CD55: variants seen among roughly 807,000 people sequenced by gnomAD.
CD55 encodes CD55 molecule (Cromer blood group).
A neutral mutation model predicts 45.8 loss-of-function variants in CD55; 41 were observed. The ratio of observed to expected loss-of-function variants is 0.90; its 90% confidence interval spans 0.70 to 1.16. CD55 has a LOEUF of 1.16. Ranked by LOEUF, CD55 falls within the 50% of genes most tolerant of loss-of-function variation. The pLI is 0.00. For missense variants in CD55, 416 were observed against 469.8 expected, an observed-to-expected ratio of 0.89 and a Z score of 1.06; for synonymous variants, 181 against 181.1, an observed-to-expected ratio of 1.00 and a Z score of 0.01.
intron 9 of CD55, among the ~76,000 whole-genome samples, chr1:207,342,019 G>T (rs1655448288): frequency 6.6e-6 from 1 of 151,864 alleles, no homozygotes; most frequent in South Asian, 2.1e-4. Context: ...CAATGGAATT[G>T]CCTTCTTGAT....
chr1:207,343,346 G>A (rs971639891), intron 9 of CD55, among the ~76,000 whole-genome samples: 1 of 151,852 alleles, frequency 6.6e-6, no homozygotes, highest in East Asian at 1.9e-4. Context: ...CACTGCTTTT[G>A]CTATGTCTGA....
intron 9 of CD55, among the ~76,000 whole-genome samples, chr1:207,344,859 G>T (rs1655570176): frequency 6.6e-6 from 1 of 152,064 alleles, no homozygotes; most frequent in African/African-American, 2.4e-5. Flanking sequence ...GGGATTACAG[G>T]TGTGTGTTAC....
chr1:207,324,637 G>A lies in CD55; in HGVS notation c.365G>A (p.Gly122Asp). Residue 122 changes from glycine to aspartate, a missense_variant, in exon 3 of 10, where the codon GGT becomes GAT. By Grantham distance (94) the Gly-to-Asp change is moderately conservative (BLOSUM62 -1). Transcript: ENST00000367064. The part of the protein sequence containing the change: ...PYITQNYFPV[G>D]TVVEYECRPG... The stretch of plus-strand genomic sequence containing the variant: ...ATCACTCAGAATTATTTTCCAGTCG[G>A]TACTGTTGTGGAATATGAGTGCCGT... 6.2e-7 allele frequency: 1 copy of A among 1,612,308 alleles called. No homozygotes were observed. Among genetic ancestry groups the A allele is most frequent in the Non-Finnish European group, 8.5e-7 (1 of 1,179,030 alleles).
At chr1:207,330,094 A>G (rs1424413639) in intron 5 of CD55, among the ~76,000 whole-genome samples, 1 of 152,080 alleles carries the variant, frequency 6.6e-6, no homozygotes, top group Non-Finnish European at 1.5e-5. Context: ...TGCGCTTCCA[A>G]TTATAAAAAA....
At chr1:207,327,640 C>A (rs1654746810) in intron 5 of CD55, among the ~76,000 whole-genome samples, 1 of 152,010 alleles carries the variant, frequency 6.6e-6, no homozygotes, top group Non-Finnish European at 1.5e-5. Flanking sequence ...TTCTGAAGGC[C>A]CTATTGTCAA....
At chr1:207,323,251 A>AGAGATATATATATATAGG (rs1448029118) in intron 2 of CD55, among the ~76,000 whole-genome samples, 2 of 151,046 alleles carry the variant, frequency 1.3e-5, no homozygotes, top group African/African-American at 4.9e-5. Context: ...ATATATAGGG[A>AGAGATATATATATATAGG]GAGATATATA....
At position 207,339,415 on chromosome 1, in the gene CD55, C is replaced by G; in HGVS notation, c.1079C>G (p.Ser360Cys). The G allele has an allele frequency of 1.9e-6, 3 of 1,606,328 alleles. No individual in the cohort carries two copies. Among genetic ancestry groups the G allele is most frequent in the Non-Finnish European group, 2.5e-6 (3 of 1,176,612 alleles). ...GTTSGTTRLL[S>C]GHTCFTLTGL... Reference sequence around the variant, plus strand: ...TCTGTAGGTACTACCCGTCTTCTATCTGGTAAGTTTGGCTCTCAGGCCATT... The same window carrying G: ...TCTGTAGGTACTACCCGTCTTCTATGTGGTAAGTTTGGCTCTCAGGCCATT... The change falls in exon 9 of 10, where the codon TCT becomes TGT. Residue 360 changes from serine (S) to cysteine (C), a missense_variant and splice_region_variant. Ser to Cys is a moderately radical substitution (Grantham distance 112). Transcript: ENST00000367064.
chr1:207,359,753 G>A lies in CD55; in HGVS notation c.*143G>A. The A allele has an allele frequency of 8.8e-7, 1 of 1,132,342 alleles. No homozygotes were observed. The highest frequency in any genetic ancestry group is 1.2e-6 in the Non-Finnish European group (1 of 850,884). The allele number at this position is 1,132,342 out of a possible 1,614,324, so 70.1% of individuals were successfully genotyped here. A position where few individuals can be genotyped will look rare whatever the true frequency, so the allele number is the denominator to read the frequency against. Reference sequence around the variant, plus strand: ...ATTGTCTTTAAGATGTGTTAGGAATGTCAACAGAGCAAGGAGAAAAAAGGC... The same window carrying A: ...ATTGTCTTTAAGATGTGTTAGGAATATCAACAGAGCAAGGAGAAAAAAGGC... On this transcript the variant is annotated 3_prime_UTR_variant, in exon 10 of 10. Transcript: ENST00000367064.
At chr1:207,347,067 T>G in intron 9 of CD55, 3 of 455,702 alleles carry the variant, frequency 6.6e-6, no homozygotes, top group Non-Finnish European at 1.3e-5. Flanking sequence ...GTCACTTGTT[T>G]GTTAAATTCT....
At chr1:207,323,705 G>C (rs1194397231) in intron 2 of CD55, among the ~76,000 whole-genome samples, 1 of 152,154 alleles carries the variant, frequency 6.6e-6, no homozygotes, top group Non-Finnish European at 1.5e-5. Flanking sequence ...CGTGAAATAG[G>C]CTTTAACTTT....
chr1:207,343,298 T>C (rs1359587938), intron 9 of CD55, among the ~76,000 whole-genome samples: 1 of 152,150 alleles, frequency 6.6e-6, no homozygotes, highest in Non-Finnish European at 1.5e-5. Context: ...TTCTACTTTT[T>C]TGATGTAATC....
chr1:207,327,863 A>G (rs1263345081), intron 5 of CD55, among the ~76,000 whole-genome samples: 1 of 151,976 alleles, frequency 6.6e-6, no homozygotes, highest in Non-Finnish European at 1.5e-5. Flanking sequence ...TCATACTACT[A>G]CCTTTTTTTT....
At position 207,321,795 on chromosome 1, in the gene CD55, G is replaced by C; in HGVS notation, c.30G>C (p.Ala10=). The C allele has an allele frequency of 1.3e-6, 2 of 1,523,612 alleles. No individual in the cohort carries two copies. Among genetic ancestry groups the C allele is most frequent in the Non-Finnish European group, 1.8e-6 (2 of 1,141,548 alleles). The allele number at this position is 1,523,612 out of a possible 1,614,324, so 94.4% of individuals were successfully genotyped here. MTVARPSVP[A]ALPLLGELPR... ...CCGTCGCGCGGCCGAGCGTGCCCGC[G>C]GCGCTGCCCCTCCTCGGGGAGCTGC... The change falls in exon 1 of 10, where the codon GCG becomes GCC. Residue 10 remains alanine (A), a synonymous_variant. Coordinates refer to ENST00000367064, the MANE Select transcript of CD55 (RefSeq NM_000574.5).
intron 5 of CD55, among the ~76,000 whole-genome samples, chr1:207,330,372 T>G (rs1654889179): frequency 6.6e-6 from 1 of 151,926 alleles, no homozygotes; most frequent in Non-Finnish European, 1.5e-5. Context: ...CTTTAGATTA[T>G]GTGGAACCAT....
chr1:207,348,797 G>A (rs180886535), intron 9 of CD55, among the ~76,000 whole-genome samples: 1 of 152,064 alleles, frequency 6.6e-6, no homozygotes, highest in African/African-American at 2.4e-5. Flanking sequence ...TGGCTAGCCA[G>A]TTATAGCATT....
chr1:207,345,238 C>T (rs1655585383), intron 9 of CD55, among the ~76,000 whole-genome samples: 1 of 151,856 alleles, frequency 6.6e-6, no homozygotes, highest in South Asian at 2.1e-4. Flanking sequence ...TTTTTTTATT[C>T]TTTTTTCCTT....
chr1:207,338,994 GT>G (rs1655301575), intron 8 of CD55, among the ~76,000 whole-genome samples: 1 of 152,122 alleles, frequency 6.6e-6, no homozygotes, highest in Non-Finnish European at 1.5e-5. Flanking sequence ...GCATTTTTGA[GT>G]TTTGATATAG....
chr1:207,353,613 C>T (rs1166053857), intron 9 of CD55, among the ~76,000 whole-genome samples: 1 of 152,126 alleles, frequency 6.6e-6, no homozygotes, highest in Non-Finnish European at 1.5e-5. Context: ...CATCAGTTAT[C>T]TGCCTGTTAT....
intron 5 of CD55, 91 bp downstream of exon 5, chr1:207,326,928 T>A: frequency 1.1e-6 from 1 of 900,186 alleles, no homozygotes; most frequent in African/African-American, 1.7e-5. Flanking sequence ...TAGCACAGTG[T>A]GTATTTGTAG....
Sources: gnomAD v4.1 joint callset for allele counts (sites outside exome capture counted in the v4.1 genomes callset) on GRCh38, gnomAD v4.1.1 for gene constraint, MANE v1.5 for transcripts, NCBI Gene and HGNC (gene_info 2026-07-23, HGNC 2026-07-21) for gene names.